DCP1A: variants seen among roughly 807,000 people sequenced by gnomAD.
DCP1A encodes mRNA-decapping enzyme 1A.
Under a neutral mutation model 58.0 loss-of-function variants are expected in DCP1A, and 20 were observed. The observed-to-expected ratio is 0.34, with a 90% CI of 0.24 to 0.50. DCP1A has a LOEUF of 0.50. DCP1A is among the 20% of genes least tolerant of loss of function. The pLI is 0.98. For synonymous variants in DCP1A, 285 were observed against 275.1 expected, an observed-to-expected ratio of 1.04 and a Z score of -0.36; for missense variants, 613 against 712.2, an observed-to-expected ratio of 0.86 and a Z score of 1.59.
Position 53,287,655 on chromosome 3 carries a change from A to C in DCP1A, c.1674T>G (p.Asp558Glu), listed in dbSNP as rs782086047. The C allele has an allele frequency of 1.1e-5, 18 of 1,609,610 alleles. No homozygotes were observed. Among genetic ancestry groups the C allele is most frequent in the Non-Finnish European group, 8.5e-7 (1 of 1,176,102 alleles). The change falls in exon 10 of 10, where the codon GAT becomes GAG. Residue 558 changes from aspartate (D) to glutamate (E), a missense_variant. Physicochemically the swap from Asp to Glu is conservative, Grantham distance 45. This residue lies in a region of DCP1A where 498 missense variants were observed against 556.7 expected (regional missense o/e 0.89). Transcript: ENST00000610213. ...QDTLIHLIKN[D>E]SSFLSTLHEV... ...CATGAAGTGTACTGAGGAAGCTGGA[A>C]TCATTCTAGAAGAGATGGTAAAGGT... is the stretch of plus-strand genomic sequence containing the variant.
chr3:53,344,304 C>T (rs576104695), intron 2 of DCP1A, among the ~76,000 whole-genome samples: 6 of 152,184 alleles, frequency 3.9e-5, no homozygotes, highest in African/African-American at 9.6e-5. Flanking sequence ...GTCTTTAGGC[C>T]CCAAAAGCTG....
chr3:53,290,688 T>A, intron 8 of DCP1A, 103 bp downstream of exon 8: 1 of 969,098 alleles, frequency 1.0e-6, no homozygotes, highest in South Asian at 1.4e-5. Flanking sequence ...TCACAGCCAG[T>A]TACAGACCAA....
intron 3 of DCP1A, among the ~76,000 whole-genome samples, chr3:53,341,786 C>T (rs2089209365): frequency 6.6e-6 from 1 of 152,092 alleles, no homozygotes; most frequent in South Asian, 2.1e-4. Flanking sequence ...CTCACTGCAA[C>T]CTCCACCTCC....
At chr3:53,298,786 T>C (rs1707215909) in intron 6 of DCP1A, among the ~76,000 whole-genome samples, 1 of 152,246 alleles carries the variant, frequency 6.6e-6, no homozygotes, top group Admixed American at 6.5e-5. Flanking sequence ...GGAAATACTA[T>C]CATTTGGCAC....
chr3:53,337,072 G>A (rs190840283), intron 3 of DCP1A, among the ~76,000 whole-genome samples: 5 of 151,888 alleles, frequency 3.3e-5, no homozygotes, highest in East Asian at 3.9e-4. Context: ...GGGTTTCGCC[G>A]TGTTGGCCAG....
chr3:53,326,987 C>CA (rs1298080509), intron 3 of DCP1A, among the ~76,000 whole-genome samples: 5 of 150,968 alleles, frequency 3.3e-5, no homozygotes, highest in Admixed American at 2.7e-4. Context: ...CCCCCCCCCC[C>CA]CAACTGGTAT....
intron 3 of DCP1A, chr3:53,328,928 C>T (rs1465655037): frequency 3.2e-5 from 5 of 154,806 alleles, no homozygotes; most frequent in Non-Finnish European, 7.2e-5. Context: ...CAGAATCATA[C>T]CAAGCACAGC....
intron 3 of DCP1A, among the ~76,000 whole-genome samples, chr3:53,340,617 T>C (rs2089188150): frequency 6.8e-6 from 1 of 146,362 alleles, no homozygotes; most frequent in South Asian, 2.3e-4. Flanking sequence ...ACTTTTACTT[T>C]TTAAGTTAGA....
At chr3:53,296,832 C>T (rs541981561) in intron 6 of DCP1A, among the ~76,000 whole-genome samples, 2 of 152,328 alleles carry the variant, frequency 1.3e-5, no homozygotes, top group Non-Finnish European at 2.9e-5. Context: ...GCAAATACTG[C>T]TGCTATAAAG....
intron 4 of DCP1A, among the ~76,000 whole-genome samples, chr3:53,314,868 C>T (rs782116956): frequency 6.6e-5 from 10 of 151,830 alleles, no homozygotes; most frequent in Admixed American, 3.9e-4. Flanking sequence ...GACAGGGTTT[C>T]ACCATGTTGA....
chr3:53,322,813 CTTT>C (rs1305800543), intron 3 of DCP1A, among the ~76,000 whole-genome samples: 7 of 135,496 alleles, frequency 5.2e-5, no homozygotes, highest in African/African-American at 5.4e-5. Context: ...TGTTTGTTTG[CTTT>C]TTTTTTTTTT....
chr3:53,334,652 G>A (rs1553691694), intron 3 of DCP1A, among the ~76,000 whole-genome samples: 1 of 152,068 alleles, frequency 6.6e-6, no homozygotes, highest in Non-Finnish European at 1.5e-5. Flanking sequence ...CAATTTCATA[G>A]AGCTTGATGG....
intron 4 of DCP1A, among the ~76,000 whole-genome samples, chr3:53,312,850 A>G (rs528060060): frequency 1.1e-4 from 17 of 152,266 alleles, no homozygotes; most frequent in Admixed American, 1.1e-3. Flanking sequence ...TCAGAAATAA[A>G]TGACTTACCA....
chr3:53,320,846 A>G (rs1422848156), intron 3 of DCP1A, among the ~76,000 whole-genome samples: 1 of 152,208 alleles, frequency 6.6e-6, no homozygotes, highest in African/African-American at 2.4e-5. Flanking sequence ...TAATTTCAAG[A>G]GTATTATATT....
chr3:53,336,359 G>A (rs914244580), intron 3 of DCP1A, among the ~76,000 whole-genome samples: 4 of 152,108 alleles, frequency 2.6e-5, no homozygotes, highest in African/African-American at 4.8e-5. Flanking sequence ...CACCTGCCTC[G>A]GCCTCCCAAA....
At chr3:53,294,152 A>G (rs1707033761) in intron 6 of DCP1A, among the ~76,000 whole-genome samples, 1 of 152,246 alleles carries the variant, frequency 6.6e-6, no homozygotes, top group Non-Finnish European at 1.5e-5. Context: ...ACGTTAGAGG[A>G]TCTGGACTTT....
intron 3 of DCP1A, among the ~76,000 whole-genome samples, chr3:53,320,441 T>C (rs569502894): frequency 1.3e-5 from 2 of 152,296 alleles, no homozygotes; most frequent in African/African-American, 4.8e-5. Context: ...TAAGACCCAT[T>C]GCTACCATGT....
At chr3:53,294,743 T>C (rs560886703) in intron 6 of DCP1A, among the ~76,000 whole-genome samples, 13 of 152,106 alleles carry the variant, frequency 8.5e-5, no homozygotes, top group African/African-American at 2.9e-4. Context: ...CTTCTCTGAG[T>C]CTCAGGCCTC....
At chr3:53,297,621 A>G (rs1433513386) in intron 6 of DCP1A, among the ~76,000 whole-genome samples, 3 of 152,232 alleles carry the variant, frequency 2.0e-5, no homozygotes, top group African/African-American at 7.2e-5. Context: ...TCGGCTCCCA[A>G]AGTGCTGGGA....
Sources: allele counts gnomAD v4.1 joint callset (sites outside exome capture counted in the v4.1 genomes callset), GRCh38; gene constraint gnomAD v4.1.1; regional missense constraint gnomAD v4.1.1; transcripts MANE v1.5; gene names NCBI Gene and HGNC (gene_info 2026-07-23, HGNC 2026-07-21).